Variants in PTOV1 observed in about 807,000 individuals in gnomAD.
The protein encoded by PTOV1 is PTOV1 extended AT-hook containing adaptor protein.
PTOV1 carries 20 observed loss-of-function variants against 58.0 expected under a neutral mutation model. The observed-to-expected ratio is 0.34, with a 90% confidence interval of 0.24 to 0.50. The LOEUF (loss-of-function observed/expected upper bound fraction) is 0.50. PTOV1 is among the 20% of genes least tolerant of loss of function. PTOV1 has a pLI of 0.98. For synonymous variants in PTOV1, 335 were observed against 234.2 expected (o/e 1.43, Z -3.93); for missense variants, 593 against 565.4 (o/e 1.05, Z -0.50).
chr19:49,851,664 T>G, intron 1 of PTOV1, 165 bp downstream of exon 1: 3 of 1,086,458 alleles, frequency 2.8e-6, no homozygotes, highest in East Asian at 4.7e-5. Flanking sequence ...ACCCGGTGGT[T>G]CGCGCCGCGC....
At chr19:49,854,935 C>T (rs780724697) in intron 4 of PTOV1, 35 bp from the exon 5 acceptor site, 4 of 1,601,698 alleles carry the variant, frequency 2.5e-6, no homozygotes, top group South Asian at 2.2e-5. Context: ...ACCCCCATGC[C>T]TGGCTGACCC....
At chr19:49,857,766 T>G in exon 7 of PTOV1, 2 of 1,614,116 alleles carry the variant, frequency 1.2e-6, no homozygotes, top group Non-Finnish European at 1.7e-6. Flanking sequence ...TGGAGTGGTG[T>G]CATGGAGTGG....
intron 1 of PTOV1, chr19:49,852,757 T>G (rs1381844693): frequency 6.6e-6 from 1 of 152,208 alleles, no homozygotes; most frequent in Non-Finnish European, 1.5e-5. Flanking sequence ...TGCGTTCTCC[T>G]GACTTTTACC....
At chr19:49,850,712 C>A, upstream of PTOV1, 1 of 767,852 alleles carries the variant, frequency 1.3e-6, no homozygotes, top group African/African-American at 1.8e-5. Flanking sequence ...CCCACCTCGC[C>A]ACGTCACCGA....
intron 9 of PTOV1, 122 bp from the exon 10 acceptor site, chr19:49,858,427 C>A (rs1473924485): frequency 1.1e-5 from 9 of 786,086 alleles, no homozygotes; most frequent in African/African-American, 1.7e-5. Context: ...GATGACGTTT[C>A]CTGAGGTAGG....
At chr19:49,859,842 G>C in intron 10 of PTOV1, 144 bp from the exon 11 acceptor site, 1 of 834,520 alleles carries the variant, frequency 1.2e-6, no homozygotes, top group Non-Finnish European at 1.9e-6. Flanking sequence ...CAATAAGGGG[G>C]CCCACCTCCA....
At chr19:49,857,639 G>GAC (rs888963303) in intron 6 of PTOV1, 54 bp from the exon 7 acceptor site, 1 of 1,538,316 alleles carries the variant, frequency 6.5e-7, no homozygotes, top group Non-Finnish European at 8.9e-7. Context: ...AGGACAGACA[G>GAC]ACAGGTTTCC....
At chr19:49,855,293 A>G (rs1490348466) in intron 5 of PTOV1, 3 of 577,956 alleles carry the variant, frequency 5.2e-6, no homozygotes, top group African/African-American at 3.7e-5. Context: ...CAGTTTCTGC[A>G]TCTGTGCCCA....
At chr19:49,854,223 G>A (rs1568639070) in intron 1 of PTOV1, among the ~76,000 whole-genome samples, 183 bp from the exon 2 acceptor site, 6 of 152,196 alleles carry the variant, frequency 3.9e-5, no homozygotes, top group Admixed American at 2.0e-4. Context: ...CAGCGGGAAA[G>A]GACATGAGGA....
At chr19:49,856,202 G>C (rs565422813) in intron 5 of PTOV1, 3 of 152,374 alleles carry the variant, frequency 2.0e-5, no homozygotes, top group African/African-American at 7.2e-5. Context: ...TGGGCCCCGA[G>C]TACCCAGTCT....
intron 1 of PTOV1, chr19:49,852,176 G>A: frequency 1.4e-6 from 1 of 696,524 alleles, no homozygotes; most frequent in Non-Finnish European, 1.8e-6. Flanking sequence ...TTTGCACCGT[G>A]CACACGCTTG....
chr19:49,859,376 A>T, intron 10 of PTOV1: 1 of 153,308 alleles, frequency 6.5e-6, no homozygotes, highest in Non-Finnish European at 1.5e-5. Context: ...GGATCACCTG[A>T]GGTCAGGAGT....
chr19:49,852,025 T>C, intron 1 of PTOV1: 1 of 985,500 alleles, frequency 1.0e-6, no homozygotes, highest in African/African-American at 1.7e-5. Context: ...TTTGATGGAC[T>C]GCCGTGAGCC....
At chr19:49,857,077 G>C in exon 6 of PTOV1, 1 of 1,614,104 alleles carries the variant, frequency 6.2e-7, no homozygotes, top group African/African-American at 1.3e-5. Context: ...CATCCCCTAC[G>C]ACCAGAGCGG....
At chr19:49,860,306 G>T in exon 12 of PTOV1, 1 of 1,605,702 alleles carries the variant, frequency 6.2e-7, no homozygotes, top group South Asian at 1.1e-5. Context: ...GGCCCCTCCA[G>T]GAGTCACAGA....
At position 49,860,258 on chromosome 19, in the gene PTOV1, C is replaced by T. The variant is rs1253049466; in HGVS notation, c.1240-10C>T. 10 of 1,613,746 alleles carry T rather than the reference C, an allele frequency of 6.2e-6. No homozygotes were observed. The highest frequency in any genetic ancestry group is 4.0e-5 in the African/African-American group (3 of 75,028). ...CCTGCTCACCACTGGCCTCTGATTT[C>T]TCGCCGTAGATGGGGGGGTAGTGGT... On this transcript the variant is annotated splice_polypyrimidine_tract_variant and intron_variant, in intron 11 of 11. Transcript: ENST00000391842.
intron 1 of PTOV1, chr19:49,852,004 A>T: frequency 1.0e-6 from 1 of 985,504 alleles, no homozygotes. Flanking sequence ...CCGCGCCCAC[A>T]TGTGGGATGC....
At chr19:49,852,959 T>A (rs1461225219) in intron 1 of PTOV1, 1 of 152,190 alleles carries the variant, frequency 6.6e-6, no homozygotes, top group Non-Finnish European at 1.5e-5. Flanking sequence ...CAACATCCAC[T>A]CTCTGTCCAA....
chr19:49,852,388 C>T (rs781023674), intron 1 of PTOV1: 1 of 152,266 alleles, frequency 6.6e-6, no homozygotes, highest in East Asian at 1.9e-4. Flanking sequence ...TCGCCCCTTC[C>T]TGCAGCATTC....
Sources: allele counts gnomAD v4.1 joint callset (sites outside exome capture counted in the v4.1 genomes callset), GRCh38; gene constraint gnomAD v4.1.1; transcripts MANE v1.5; gene names NCBI Gene and HGNC (gene_info 2026-07-23, HGNC 2026-07-21).